RAB11FIP4: variants seen among roughly 807,000 people sequenced by gnomAD.
RAB11FIP4 encodes the protein RAB11 family interacting protein 4.
RAB11FIP4 carries 23 observed loss-of-function variants against 74.3 expected under a neutral mutation model. That is an observed-to-expected ratio of 0.31 (90% CI 0.22 to 0.44). The LOEUF (loss-of-function observed/expected upper bound fraction) is 0.44. RAB11FIP4 is among the 20% of genes least tolerant of loss of function. RAB11FIP4 has a pLI of 1.00. For missense variants in RAB11FIP4, 630 were observed against 863.9 expected (o/e 0.73, Z 3.39); for synonymous variants, 360 against 359.9 (o/e 1.00, Z 0.00).
chr17:31,436,805 T>C (rs2071362742), intron 3 of RAB11FIP4, among the ~76,000 whole-genome samples: 2 of 140,416 alleles, frequency 1.4e-5, no homozygotes, highest in Non-Finnish European at 3.1e-5. Context: ...TTTTGTTTTT[T>C]GAGACGGCAT....
chr17:31,461,779 A>G (rs892052517), intron 3 of RAB11FIP4, among the ~76,000 whole-genome samples: 4 of 151,030 alleles, frequency 2.6e-5, no homozygotes, highest in Admixed American at 2.6e-4. Context: ...GTGCAGTGGC[A>G]CGATCTCGAC....
At chr17:31,445,566 ATATATATATATATTTTTTTTTTTTTTT>A (rs2071451242) in intron 3 of RAB11FIP4, among the ~76,000 whole-genome samples, 7 of 12,434 alleles carry the variant, frequency 5.6e-4, no homozygotes, top group African/African-American at 1.8e-3. Flanking sequence ...ATATATATAT[ATATATATATATATTTTTTTTTTTTTTT>A]TTTTTTTTTT....
intron 3 of RAB11FIP4, among the ~76,000 whole-genome samples, chr17:31,498,404 C>G (rs2072157050): frequency 6.6e-6 from 1 of 152,164 alleles, no homozygotes; most frequent in Admixed American, 6.5e-5. Flanking sequence ...CTGGGAAGAC[C>G]ATGGGGGCTA....
At chr17:31,531,286 G>A (rs1255909341) in intron 14 of RAB11FIP4, 2 of 246,578 alleles carry the variant, frequency 8.1e-6, no homozygotes, top group Non-Finnish European at 1.6e-5. Context: ...GCGGCCCTGG[G>A]ACTTTGTCAG....
chr17:31,501,465 A>G (rs1186835348), intron 3 of RAB11FIP4, among the ~76,000 whole-genome samples: 1 of 152,230 alleles, frequency 6.6e-6, no homozygotes, highest in African/African-American at 2.4e-5. Context: ...AGCTTGTTTT[A>G]CAATAAAGTG....
intron 3 of RAB11FIP4, among the ~76,000 whole-genome samples, chr17:31,492,026 C>T (rs1004871640): frequency 2.6e-5 from 4 of 152,216 alleles, no homozygotes; most frequent in African/African-American, 9.6e-5. Context: ...TCTCTGACAG[C>T]TGCCTGGGCC....
chr17:31,461,750 C>T (rs1487903963), intron 3 of RAB11FIP4, among the ~76,000 whole-genome samples: 2 of 150,754 alleles, frequency 1.3e-5, no homozygotes, highest in Non-Finnish European at 2.9e-5. Flanking sequence ...CAAGGTCTTG[C>T]TCTGTCACCC....
intron 3 of RAB11FIP4, among the ~76,000 whole-genome samples, chr17:31,490,282 A>G (rs1321311746): frequency 1.3e-5 from 2 of 150,612 alleles, no homozygotes; most frequent in Non-Finnish European, 1.5e-5. Context: ...GGCCCTTGCA[A>G]CTCCCTCCTT....
At chr17:31,516,799 T>C (rs1406558033) in intron 3 of RAB11FIP4, among the ~76,000 whole-genome samples, 2 of 152,208 alleles carry the variant, frequency 1.3e-5, no homozygotes, top group Non-Finnish European at 2.9e-5. Flanking sequence ...CTCCACGGGA[T>C]GGGAGCAGGC....
At chr17:31,501,807 C>G (rs1340287172) in intron 3 of RAB11FIP4, 2 of 178,018 alleles carry the variant, frequency 1.1e-5, no homozygotes, top group African/African-American at 4.8e-5. Context: ...CGCACCCAGC[C>G]CATCCCACGC....
chr17:31,412,769 C>T (rs965872102), intron 1 of RAB11FIP4, among the ~76,000 whole-genome samples: 3 of 152,204 alleles, frequency 2.0e-5, no homozygotes, highest in African/African-American at 7.2e-5. Context: ...GGTTTCAGGT[C>T]CTCTGCCAGG....
intron 3 of RAB11FIP4, among the ~76,000 whole-genome samples, chr17:31,489,834 A>AG (rs888355522): frequency 3.3e-5 from 5 of 151,612 alleles, no homozygotes; most frequent in African/African-American, 7.3e-5. Context: ...CGGAATTTGA[A>AG]GGGGGGGCCT....
At chr17:31,469,454 C>T (rs1393887960) in intron 3 of RAB11FIP4, among the ~76,000 whole-genome samples, 2 of 151,798 alleles carry the variant, frequency 1.3e-5, no homozygotes, top group African/African-American at 4.8e-5. Context: ...ATCTTGTCTC[C>T]ACAAAAATAA....
Position 31,431,807 on chromosome 17 carries a change from C to G in RAB11FIP4, c.160-6C>G. On this transcript the variant is annotated splice_polypyrimidine_tract_variant and splice_region_variant and intron_variant, in intron 1 of 14. Transcript: ENST00000621161. ...TCTCACACCTGTCCCTGCTTCATTC[C>G]CACAGGTGGAAAAACTTGTGAAATA... is the stretch of plus-strand genomic sequence containing the variant. 1 of 1,607,654 alleles carries G rather than the reference C, an allele frequency of 6.2e-7. No individual in the cohort carries two copies. The highest frequency in any genetic ancestry group is 8.5e-7 in the Non-Finnish European group (1 of 1,175,054).
chr17:31,414,544 G>A (rs1175444771), intron 1 of RAB11FIP4, among the ~76,000 whole-genome samples: 2 of 152,258 alleles, frequency 1.3e-5, no homozygotes, highest in Non-Finnish European at 2.9e-5. Flanking sequence ...GACTCAGGCT[G>A]TGAATGAGGG....
At chr17:31,439,965 CT>C (rs2071393057) in intron 3 of RAB11FIP4, among the ~76,000 whole-genome samples, 2 of 152,068 alleles carry the variant, frequency 1.3e-5, no homozygotes, top group Non-Finnish European at 2.9e-5. Flanking sequence ...GATTATCAAT[CT>C]TTATGGATTT....
intron 3 of RAB11FIP4, among the ~76,000 whole-genome samples, chr17:31,438,013 TGAGA>T (rs2071375984): frequency 6.6e-6 from 1 of 152,112 alleles, no homozygotes; most frequent in Non-Finnish European, 1.5e-5. Flanking sequence ...AGCAGGCTGT[TGAGA>T]GAGTTTCCTG....
rs1028310917 is a variant in RAB11FIP4, at chr17:31,470,194, C to T, written c.336+36072C>T. Reference sequence around the variant, plus strand: ...CTGCCACTATCAAAGTGGTTGTGACCTCCCTGGGGTAGCAGAGTCCAAGAA... The same window carrying T: ...CTGCCACTATCAAAGTGGTTGTGACTTCCCTGGGGTAGCAGAGTCCAAGAA... On this transcript the variant is annotated intron_variant, in intron 3 of 14. Transcript: ENST00000621161. Among the ~76,000 whole-genome samples the T allele has an allele frequency of 5.9e-5, 9 of 152,212 alleles. 1 individual carries two copies. The highest frequency in any genetic ancestry group is 5.2e-4 in the Admixed American group (8 of 15,286).
At position 31,392,021 on chromosome 17, in the gene RAB11FIP4, C is replaced by G; in HGVS notation, c.159+10C>G. 1 of 1,295,192 alleles carries G rather than the reference C, an allele frequency of 7.7e-7. No individual in the cohort carries two copies. 80.2% of individuals were successfully genotyped at this position (1,295,192 alleles called of 1,614,324 possible). On this transcript the variant is annotated intron_variant, in intron 1 of 14. Coordinates refer to ENST00000621161, the MANE Select transcript of RAB11FIP4 (RefSeq NM_032932.6). Reference sequence around the variant, plus strand: ...CGGCCAGGGCGAGGAGGTAAGCTGGCCCGACCCCAGTCCCGGCCCGGGGAC... The same window carrying G: ...CGGCCAGGGCGAGGAGGTAAGCTGGGCCGACCCCAGTCCCGGCCCGGGGAC...
Sources: allele counts gnomAD v4.1 joint callset (sites outside exome capture counted in the v4.1 genomes callset), GRCh38; gene constraint gnomAD v4.1.1; transcripts MANE v1.5; gene names NCBI Gene and HGNC (gene_info 2026-07-23, HGNC 2026-07-21).